Variants in SH3BGR observed in about 807,000 individuals in gnomAD.
SH3BGR encodes SH3 domain binding glutamate rich protein, also known as SH3 domain-binding glutamic acid-rich protein.
A neutral mutation model predicts 24.5 loss-of-function variants in SH3BGR; 29 were observed. That is an observed-to-expected ratio of 1.18 (90% CI 0.88 to 1.61). The LOEUF is 1.61. SH3BGR is among the 40% of genes most tolerant of loss of function. The pLI, the probability that SH3BGR is intolerant of heterozygous loss-of-function variation, is 0.00. For missense variants in SH3BGR, 162 were observed against 205.8 expected, an observed-to-expected ratio of 0.79 and a Z score of 1.30; for synonymous variants, 55 against 65.7, an observed-to-expected ratio of 0.84 and a Z score of 0.79.
intron 3 of SH3BGR, among the ~76,000 whole-genome samples, chr21:39,497,573 C>CT (rs1306400051): frequency 6.6e-6 from 1 of 151,716 alleles, no homozygotes; most frequent in Non-Finnish European, 1.5e-5. Context: ...GAAAGATACT[C>CT]TAAAAATTTA....
upstream of SH3BGR, chr21:39,451,842 G>A (rs1189999066): frequency 6.4e-6 from 10 of 1,552,144 alleles, no homozygotes; most frequent in South Asian, 7.0e-5. Context: ...TGCTTTTATC[G>A]ACCAATCAAA....
chr21:39,468,613 A>AT (rs1394042343), intron 2 of SH3BGR, among the ~76,000 whole-genome samples: 8 of 152,046 alleles, frequency 5.3e-5, no homozygotes, highest in Non-Finnish European at 1.2e-4. Flanking sequence ...TAAATTTTGT[A>AT]TTTTTTGTAG....
intron 3 of SH3BGR, among the ~76,000 whole-genome samples, chr21:39,489,869 T>A (rs781713150): frequency 5.3e-5 from 8 of 152,176 alleles, no homozygotes; most frequent in Non-Finnish European, 1.0e-4. Flanking sequence ...AATAGTGAAA[T>A]CAAGAATTGT....
At chr21:39,510,365 TACACACAC>T (rs34333255) in intron 5 of SH3BGR, among the ~76,000 whole-genome samples, 5 of 115,772 alleles carry the variant, frequency 4.3e-5, no homozygotes, top group African/African-American at 9.7e-5. Context: ...TGTAGCTACA[TACACACAC>T]ACACACACAC....
intron 3 of SH3BGR, among the ~76,000 whole-genome samples, chr21:39,491,017 C>T (rs980560298): frequency 3.9e-5 from 6 of 152,144 alleles, no homozygotes; most frequent in Non-Finnish European, 5.9e-5. Flanking sequence ...CAGGCATGAG[C>T]CACTGCACCC....
intron 3 of SH3BGR, among the ~76,000 whole-genome samples, chr21:39,486,252 G>T (rs2078211173): frequency 6.6e-6 from 1 of 152,130 alleles, no homozygotes; most frequent in South Asian, 2.1e-4. Flanking sequence ...GTCATAACAA[G>T]AATAATATAT....
rs573408436 is a variant in SH3BGR at position 39,491,828 on chromosome 21, G to A, written c.313-7995G>A. 45 of 184,058 alleles carry A rather than the reference G, an allele frequency of 2.4e-4. No individual in the cohort carries two copies. The South Asian group carries it at 3.4e-3, about 14-fold the overall frequency. The allele number at this position is 184,058 out of a possible 1,614,324, so 11.4% of individuals were successfully genotyped here. On this transcript the variant is annotated intron_variant, in intron 3 of 6. Coordinates refer to ENST00000333634, the MANE Select transcript of SH3BGR (RefSeq NM_007341.3). The stretch of plus-strand genomic sequence containing the variant: ...CTTGGGCACACATCAGGTATAGTTC[G>A]TGCAGCAAATAGGCTACACGTGGCC...
At chr21:39,513,276 T>G (rs2078728274) in intron 6 of SH3BGR, among the ~76,000 whole-genome samples, 1 of 152,112 alleles carries the variant, frequency 6.6e-6, no homozygotes, top group Non-Finnish European at 1.5e-5. Context: ...TAGTTAAGAA[T>G]TGGTGCATGT....
intron 2 of SH3BGR, among the ~76,000 whole-genome samples, chr21:39,468,697 C>G (rs189200950): frequency 6.6e-6 from 1 of 152,192 alleles, no homozygotes; most frequent in East Asian, 1.9e-4. Flanking sequence ...CCTTGACCCC[C>G]CAACGTGCTG....
intron 4 of SH3BGR, 24 bp downstream of exon 4, chr21:39,499,939 A>C: frequency 6.6e-7 from 1 of 1,514,764 alleles, no homozygotes. Flanking sequence ...TTTTCACAGC[A>C]GTTTGACTGG....
chr21:39,481,466 T>G (rs1290982368), intron 3 of SH3BGR, among the ~76,000 whole-genome samples: 1 of 152,194 alleles, frequency 6.6e-6, no homozygotes, highest in African/African-American at 2.4e-5. Context: ...CAAGTTCAAG[T>G]AGATTGCTCC....
chr21:39,487,919 A>G (rs1351230123), intron 3 of SH3BGR, among the ~76,000 whole-genome samples: 1 of 152,224 alleles, frequency 6.6e-6, no homozygotes, highest in African/African-American at 2.4e-5. Flanking sequence ...AGGAAGAAGC[A>G]GAAGGAGCTT....
intron 3 of SH3BGR, among the ~76,000 whole-genome samples, chr21:39,477,667 G>A (rs1311605995): frequency 6.6e-6 from 1 of 152,138 alleles, no homozygotes; most frequent in African/African-American, 2.4e-5. Flanking sequence ...TCATCCTGCT[G>A]CACTGTGGTG....
chr21:39,448,659 G>C (rs1471929583), upstream of SH3BGR, among the ~76,000 whole-genome samples: 1 of 152,076 alleles, frequency 6.6e-6, no homozygotes, highest in African/African-American at 2.4e-5. Flanking sequence ...ACTCCAGCCT[G>C]GTGACAGAAA....
chr21:39,478,240 C>A (rs2078060620), intron 3 of SH3BGR, among the ~76,000 whole-genome samples: 1 of 152,200 alleles, frequency 6.6e-6, no homozygotes, highest in South Asian at 2.1e-4. Flanking sequence ...CTAAACATTT[C>A]ATGCCAGAAA....
Position 39,511,741 on chromosome 21 carries a change from A to G in SH3BGR, c.497A>G (p.Glu166Gly), listed in dbSNP as rs75347651. The stretch of plus-strand genomic sequence containing the variant: ...GCCGAGGAGGAGGAAGAAACTGCAG[A>G]AGGAGAAGAGCCTGGAGAAGACGAA... Reference protein sequence around the residue: ...GEAEEEEETAEGEEPGEDEDS With the variant: ...GEAEEEEETAGGEEPGEDEDS Residue 166 changes from glutamate to glycine, a missense_variant, in exon 6 of 7, where the codon GAA becomes GGA. Transcript: ENST00000333634. This position sits in a 1 kb window ranked among gnomAD's most constrained non-coding sequence, Gnocchi z 4.2. The G allele has an allele frequency of 1.8e-5, 26 of 1,453,210 alleles. No homozygotes were observed. In the African/African-American group the frequency reaches 4.2e-4, roughly 24 times the overall value. 90.0% of individuals were successfully genotyped at this position (1,453,210 alleles called of 1,614,324 possible). A position where few individuals can be genotyped will look rare whatever the true frequency, so the allele number is the denominator to read the frequency against.
chr21:39,511,883 G>A lies in SH3BGR; in HGVS notation c.*34+74G>A. 7.3e-7 allele frequency: 1 copy of A among 1,373,542 alleles called. No individual in the cohort carries two copies. Among genetic ancestry groups the A allele is most frequent in the Non-Finnish European group, 9.7e-7 (1 of 1,027,864 alleles). The allele number at this position is 1,373,542 out of a possible 1,614,324, so 85.1% of individuals were successfully genotyped here. On this transcript the variant is annotated intron_variant, in intron 6 of 6. Transcript: ENST00000333634. The surrounding 1 kb of genome is among the most constrained non-coding windows in gnomAD (Gnocchi z 4.2). ...TGCTATCTGCGGCACATTTTGCTTAGTAACAGGAGAAAGGGAATTCCAATT... is the reference window on the plus strand; with the variant it reads ...TGCTATCTGCGGCACATTTTGCTTAATAACAGGAGAAAGGGAATTCCAATT...
intron 4 of SH3BGR, among the ~76,000 whole-genome samples, chr21:39,503,203 CTTA>C (rs1245770964): frequency 2.0e-5 from 3 of 152,208 alleles, no homozygotes; most frequent in South Asian, 2.1e-4. Context: ...TTCAGCCACA[CTTA>C]TTATGAGAAG....
chr21:39,479,178 T>G (rs2078076702), intron 3 of SH3BGR, among the ~76,000 whole-genome samples: 1 of 151,722 alleles, frequency 6.6e-6, no homozygotes, highest in Non-Finnish European at 1.5e-5. Flanking sequence ...GAGGCCAGTC[T>G]TGGCAACATA....
Sources: gnomAD v4.1 joint callset for allele counts (sites outside exome capture counted in the v4.1 genomes callset) on GRCh38, gnomAD v4.1.1 for gene constraint, Gnocchi (gnomAD v3.1) non-coding constraint, MANE v1.5 for transcripts, NCBI Gene and HGNC (gene_info 2026-07-23, HGNC 2026-07-21) for gene names.